Variants in PDE7B observed in about 807,000 individuals in gnomAD.
PDE7B encodes the protein 3',5'-cyclic-AMP phosphodiesterase 7B.
PDE7B carries 29 observed loss-of-function variants against 56.2 expected under a neutral mutation model. That is an observed-to-expected ratio of 0.52 (90% CI 0.38 to 0.70). The LOEUF (loss-of-function observed/expected upper bound fraction) is 0.70, where lower values mean the gene tolerates loss of function less well. PDE7B is among the 30% of genes least tolerant of loss of function. The pLI is 0.00. For synonymous variants in PDE7B, 197 were observed against 196.9 expected, an observed-to-expected ratio of 1.00 and a Z score of 0.00; for missense variants, 490 against 565.0, an observed-to-expected ratio of 0.87 and a Z score of 1.35.
intron 1 of PDE7B, among the ~76,000 whole-genome samples, chr6:135,860,927 A>G (rs9389336): frequency 0.03 from 4,614 of 151,994 alleles, 155 homozygotes; most frequent in East Asian, 0.12. Flanking sequence ...TTGAACCCCT[A>G]CATAGAAGTC....
intron 3 of PDE7B, among the ~76,000 whole-genome samples, chr6:136,144,878 A>C (rs1778388982): frequency 6.6e-6 from 1 of 152,118 alleles, no homozygotes; most frequent in Non-Finnish European, 1.5e-5. Context: ...GAAGAGCATG[A>C]TGTCAGTTTC....
At chr6:135,989,162 T>C (rs924822404) in intron 2 of PDE7B, among the ~76,000 whole-genome samples, 8 of 152,208 alleles carry the variant, frequency 5.3e-5, no homozygotes, top group Non-Finnish European at 1.0e-4. Flanking sequence ...ACCTAAAAGA[T>C]ATCAATTAGA....
intron 3 of PDE7B, chr6:136,111,242 A>T (rs1052664646): frequency 2.6e-5 from 4 of 152,202 alleles, no homozygotes; most frequent in Non-Finnish European, 5.9e-5. Context: ...ATCCCTAAAT[A>T]GACTATCAGA....
At chr6:135,943,892 G>A (rs1185178687) in intron 1 of PDE7B, among the ~76,000 whole-genome samples, 1 of 152,190 alleles carries the variant, frequency 6.6e-6, no homozygotes, top group African/African-American at 2.4e-5. Flanking sequence ...TGTGGAAGGA[G>A]ATCATGTGCC....
At chr6:136,042,073 A>C (rs1015492790) in intron 2 of PDE7B, among the ~76,000 whole-genome samples, 9 of 152,384 alleles carry the variant, frequency 5.9e-5, no homozygotes, top group Non-Finnish European at 5.9e-5. Context: ...TACCATGCAG[A>C]ACAAGTCAAA....
chr6:135,977,171 A>G (rs1350241723), intron 2 of PDE7B, among the ~76,000 whole-genome samples: 1 of 152,156 alleles, frequency 6.6e-6, no homozygotes, highest in Non-Finnish European at 1.5e-5. Flanking sequence ...CTCCCGCTTC[A>G]GGTTAAGACA....
chr6:136,054,388 G>T (rs1463445974), intron 2 of PDE7B, among the ~76,000 whole-genome samples: 1 of 152,112 alleles, frequency 6.6e-6, no homozygotes, highest in Non-Finnish European at 1.5e-5. Flanking sequence ...TATTGCTGAG[G>T]ACTCTGTTCT....
chr6:135,914,864 G>A lies in PDE7B; in HGVS notation c.22-32600G>A, dbSNP rs372207567. Among the ~76,000 whole-genome samples the A allele has an allele frequency of 2.3e-3, 350 of 150,942 alleles. 3 individuals are homozygous for A. Among genetic ancestry groups the A allele is most frequent in the African/African-American group, 7.6e-3 (316 of 41,378 alleles). On this transcript the variant is annotated intron_variant, in intron 1 of 12. Coordinates refer to ENST00000308191, the MANE Select transcript of PDE7B (RefSeq NM_018945.4). ...AATCCCAGCACTTTGGGAGGCCGAG[G>A]TGGGCAGATCACGAGGTCAGGAGTT...
At chr6:135,908,184 G>A (rs1776149355) in intron 1 of PDE7B, among the ~76,000 whole-genome samples, 1 of 151,708 alleles carries the variant, frequency 6.6e-6, no homozygotes, top group Non-Finnish European at 1.5e-5. Context: ...CACCTCCTGG[G>A]TTCAAGCAAT....
chr6:136,146,879 A>G (rs1174470296), intron 3 of PDE7B, among the ~76,000 whole-genome samples: 5 of 152,226 alleles, frequency 3.3e-5, no homozygotes, highest in Non-Finnish European at 7.3e-5. Context: ...AATATATAAG[A>G]AATACTAGTT....
rs1777937203 is a variant in PDE7B at position 136,121,748 on chromosome 6, G to A, written c.166+12934G>A. 4.6e-5 allele frequency among the ~76,000 whole-genome samples: 7 copies of A among 152,300 alleles called. No individual in the cohort carries two copies. In the South Asian group the frequency reaches 1.2e-3, roughly 27 times the overall value. On this transcript the variant is annotated intron_variant, in intron 3 of 12. Transcript: ENST00000308191. ...GTGGAAAGGTTGGCATTGGCATTTG[G>A]ACAATGACTGGATTTTTGTAAGTAG...
At chr6:135,972,285 C>T (rs1037360848) in intron 2 of PDE7B, among the ~76,000 whole-genome samples, 1 of 148,110 alleles carries the variant, frequency 6.8e-6, no homozygotes, top group Non-Finnish European at 1.5e-5. Flanking sequence ...GATGTGTCTG[C>T]TCCAGACATG....
intron 3 of PDE7B, among the ~76,000 whole-genome samples, chr6:136,109,133 C>T (rs966511146): frequency 6.6e-6 from 1 of 152,120 alleles, no homozygotes; most frequent in Non-Finnish European, 1.5e-5. Context: ...AGGATTGCTT[C>T]AGCCCAGGAG....
chr6:136,134,819 T>A (rs1437798099), intron 3 of PDE7B, among the ~76,000 whole-genome samples: 1 of 151,212 alleles, frequency 6.6e-6, no homozygotes, highest in Non-Finnish European at 1.5e-5. Flanking sequence ...GAGACAAGCA[T>A]TTGCTCCTCT....
intron 2 of PDE7B, among the ~76,000 whole-genome samples, chr6:136,062,783 G>A (rs910776052): frequency 4.6e-5 from 7 of 152,082 alleles, no homozygotes; most frequent in African/African-American, 1.7e-4. Flanking sequence ...TTGCTCTCTG[G>A]AGTGAATCTG....
At chr6:136,124,972 G>T (rs1777997242) in intron 3 of PDE7B, among the ~76,000 whole-genome samples, 1 of 152,064 alleles carries the variant, frequency 6.6e-6, no homozygotes, top group South Asian at 2.1e-4. Flanking sequence ...TTGTATTTGT[G>T]ATAAAACAAA....
intron 3 of PDE7B, among the ~76,000 whole-genome samples, chr6:136,134,078 G>A (rs920530915): frequency 6.6e-6 from 1 of 152,110 alleles, no homozygotes; most frequent in Non-Finnish European, 1.5e-5. Context: ...GGAGCAGGGG[G>A]CTGACATGGT....
intron 2 of PDE7B, among the ~76,000 whole-genome samples, chr6:135,993,781 A>G (rs1775514205): frequency 6.6e-6 from 1 of 152,234 alleles, no homozygotes; most frequent in Non-Finnish European, 1.5e-5. Flanking sequence ...AGGTAGAGGT[A>G]GAGATTTCAA....
intron 3 of PDE7B, among the ~76,000 whole-genome samples, chr6:136,119,335 A>AT (rs1241392478): frequency 6.6e-6 from 1 of 152,108 alleles, no homozygotes; most frequent in Non-Finnish European, 1.5e-5. Context: ...CTGGTTTTCT[A>AT]TTTTTTTCCT....
Sources: gnomAD v4.1 joint callset for allele counts (sites outside exome capture counted in the v4.1 genomes callset) on GRCh38, gnomAD v4.1.1 for gene constraint, MANE v1.5 for transcripts, NCBI Gene and HGNC (gene_info 2026-07-23, HGNC 2026-07-21) for gene names.